Variants in ERAP1 observed in about 807,000 individuals in gnomAD.
ERAP1 encodes endoplasmic reticulum aminopeptidase 1.
In ERAP1, 86 loss-of-function variants were observed where a neutral mutation model predicts 103.7. That is an observed-to-expected ratio of 0.83 (90% CI 0.70 to 0.99). The LOEUF (loss-of-function observed/expected upper bound fraction) is 0.99. Among genes scored for constraint, ERAP1 ranks in the 50% least tolerant of loss-of-function variants. The pLI, the probability that ERAP1 is intolerant of heterozygous loss-of-function variation, is 0.00. For missense variants in ERAP1, 1,009 were observed against 1,128.4 expected, an observed-to-expected ratio of 0.89 and a Z score of 1.52; for synonymous variants, 398 against 402.4, an observed-to-expected ratio of 0.99 and a Z score of 0.13.
At chr5:96,905,510 A>G in the ERAP1 span, among the ~76,000 whole-genome samples, 1 of 152,228 alleles carries the variant, frequency 6.6e-6, no homozygotes, top group Non-Finnish European at 1.5e-5. Context: ...CATAATAGAT[A>G]AAAATAAATA....
the ERAP1 span, among the ~76,000 whole-genome samples, chr5:96,910,649 T>A: frequency 6.6e-6 from 1 of 152,216 alleles, no homozygotes; most frequent in Admixed American, 6.5e-5. Context: ...ACAGTAGATA[T>A]AAGTGTTCAA....
At chr5:96,822,672 T>C in the ERAP1 span, among the ~76,000 whole-genome samples, 5 of 143,846 alleles carry the variant, frequency 3.5e-5, no homozygotes, top group Admixed American at 7.2e-5. Context: ...GGCTAGGAGT[T>C]TGAGATCAGC....
the ERAP1 span, among the ~76,000 whole-genome samples, chr5:96,865,121 T>TA: frequency 2.6e-5 from 4 of 152,334 alleles, no homozygotes; most frequent in South Asian, 8.3e-4. Flanking sequence ...TCCCTGATAG[T>TA]ACACTGAGTT....
At chr5:96,763,179 G>A (rs1768607942) in exon 20 of ERAP1, 1 of 780,670 alleles carries the variant, frequency 1.3e-6, no homozygotes, top group Non-Finnish European at 2.4e-6. Flanking sequence ...TAGTGCTGTA[G>A]TCTGAGATTC....
the ERAP1 span, chr5:96,919,460 T>A: frequency 6.6e-6 from 1 of 152,318 alleles, no homozygotes; most frequent in Non-Finnish European, 1.5e-5. Context: ...CAAGACCATA[T>A]GTAAATTAAA....
the ERAP1 span, among the ~76,000 whole-genome samples, chr5:96,888,470 G>A: frequency 2.6e-5 from 4 of 152,130 alleles, no homozygotes; most frequent in African/African-American, 9.7e-5. Flanking sequence ...CATAGAGTGG[G>A]CACAAGTATT....
chr5:96,865,929 C>T, the ERAP1 span, among the ~76,000 whole-genome samples: 1 of 152,178 alleles, frequency 6.6e-6, no homozygotes, highest in Non-Finnish European at 1.5e-5. Flanking sequence ...AGACATTACA[C>T]CCAGACTGAC....
At chr5:96,909,905 T>A in the ERAP1 span, 2 of 766,578 alleles carry the variant, frequency 2.6e-6, no homozygotes, top group Non-Finnish European at 4.2e-6. Flanking sequence ...TGTTTCATGC[T>A]CTCACATTGT....
intron 19 of ERAP1, chr5:96,768,032 A>G (rs1016519024): frequency 2.2e-6 from 3 of 1,343,612 alleles, no homozygotes; most frequent in Admixed American, 3.4e-5. Flanking sequence ...ACTCTTTGAA[A>G]TGTGTGTGTG....
exon 20 of ERAP1, chr5:96,763,163 CAT>C: frequency 3.8e-6 from 3 of 780,556 alleles, no homozygotes; most frequent in Non-Finnish European, 7.2e-6. Context: ...AGCATCAAAG[CAT>C]ATTTAGTGCT....
chr5:96,918,883 C>T, the ERAP1 span: 1 of 151,152 alleles, frequency 6.6e-6, no homozygotes, highest in Non-Finnish European at 1.5e-5. Flanking sequence ...TTAAGGAAAC[C>T]CCCCACCTCC....
At chr5:96,783,778 A>G in intron 14 of ERAP1, 146 bp downstream of exon 14, 1 of 838,160 alleles carries the variant, frequency 1.2e-6, no homozygotes, top group African/African-American at 1.7e-5. Flanking sequence ...TAAATACTGA[A>G]CTAATATTTA....
At chr5:96,833,155 C>T in the ERAP1 span, among the ~76,000 whole-genome samples, 1 of 152,202 alleles carries the variant, frequency 6.6e-6, no homozygotes, top group East Asian at 1.9e-4. Context: ...TTTGTTACAG[C>T]AGCCTAAACT....
At chr5:96,863,696 C>T in the ERAP1 span, among the ~76,000 whole-genome samples, 11 of 152,092 alleles carry the variant, frequency 7.2e-5, no homozygotes, top group African/African-American at 2.7e-4. Flanking sequence ...TTTTTTCATA[C>T]ATTTTTGTTC....
intron 11 of ERAP1, among the ~76,000 whole-genome samples, chr5:96,787,231 C>G (rs1776135589): frequency 6.6e-6 from 1 of 152,088 alleles, no homozygotes; most frequent in Non-Finnish European, 1.5e-5. Context: ...GATAATTGTA[C>G]TGTGGCTATG....
chr5:96,892,587 A>G, the ERAP1 span: 6 of 981,474 alleles, frequency 6.1e-6, no homozygotes, highest in Non-Finnish European at 8.9e-6. Flanking sequence ...TAAACCTAAC[A>G]CAACGTCAAG....
intron 18 of ERAP1, among the ~76,000 whole-genome samples, chr5:96,778,161 C>G (rs1581527455): frequency 1.3e-5 from 2 of 152,226 alleles, no homozygotes; most frequent in African/African-American, 4.8e-5. Flanking sequence ...ATTCATCCCT[C>G]TGCTGTAATT....
the ERAP1 span, among the ~76,000 whole-genome samples, chr5:96,877,715 C>T: frequency 1.4e-5 from 2 of 143,662 alleles, no homozygotes; most frequent in Non-Finnish European, 3.0e-5. Flanking sequence ...CTCAGACCCA[C>T]ATAATAAGCC....
At chr5:96,791,701 A>C (rs1322453662) in intron 8 of ERAP1, among the ~76,000 whole-genome samples, 1 of 152,238 alleles carries the variant, frequency 6.6e-6, no homozygotes, top group Non-Finnish European at 1.5e-5. Flanking sequence ...GCGTCTCAAC[A>C]ATATTAACCA....
Sources: allele counts gnomAD v4.1 joint callset (sites outside exome capture counted in the v4.1 genomes callset), GRCh38; gene constraint gnomAD v4.1.1; transcripts MANE v1.5; gene names NCBI Gene and HGNC (gene_info 2026-07-23, HGNC 2026-07-21).